The following CACNA2D1 variants were observed in gnomAD, a reference collection of about 807,000 sequenced individuals.
CACNA2D1 encodes calcium voltage-gated channel auxiliary subunit alpha2delta 1, also known as voltage-dependent calcium channel subunit alpha-2/delta-1.
CACNA2D1 carries 53 observed loss-of-function variants against 171.5 expected under a neutral mutation model. The ratio of observed to expected loss-of-function variants is 0.31; its 90% CI spans 0.25 to 0.39. CACNA2D1 has a LOEUF of 0.39. Among genes scored for constraint, CACNA2D1 ranks in the 10% least tolerant of loss-of-function variants. The pLI is 1.00. For missense variants in CACNA2D1, 903 were observed against 1,299.8 expected, an observed-to-expected ratio of 0.69 and a Z score of 4.69; for synonymous variants, 442 against 443.1, an observed-to-expected ratio of 1.00 and a Z score of 0.03.
chr7:82,317,520 G>A (rs1162403149), intron 3 of CACNA2D1, among the ~76,000 whole-genome samples: 1 of 152,136 alleles, frequency 6.6e-6, no homozygotes, highest in African/African-American at 2.4e-5. Context: ...AATACTTAAG[G>A]AGGAGCAGCT....
intron 4 of CACNA2D1, among the ~76,000 whole-genome samples, chr7:82,139,352 T>G (rs116571390): frequency 0.024 from 3,665 of 152,298 alleles, 136 homozygotes; most frequent in African/African-American, 0.083. Context: ...TGATATAAAC[T>G]AAGTATTTTG....
intron 3 of CACNA2D1, among the ~76,000 whole-genome samples, chr7:82,290,467 T>C (rs1341146919): frequency 6.6e-6 from 1 of 151,944 alleles, no homozygotes; most frequent in African/African-American, 2.4e-5. Context: ...GAAAGCAATA[T>C]AAATTCATTT....
At chr7:81,951,916 T>C (rs1792563217) in intron 38 of CACNA2D1, among the ~76,000 whole-genome samples, 1 of 151,518 alleles carries the variant, frequency 6.6e-6, no homozygotes, top group African/African-American at 2.4e-5. Context: ...ATCACCATAC[T>C]GTTTTCCATA....
chr7:82,208,643 T>A (rs1022638939), intron 3 of CACNA2D1, among the ~76,000 whole-genome samples: 2 of 152,180 alleles, frequency 1.3e-5, no homozygotes, highest in Admixed American at 6.6e-5. Flanking sequence ...TTTAGAAATA[T>A]CTTTACTTTA....
At chr7:82,138,693 G>A (rs188278697) in intron 4 of CACNA2D1, among the ~76,000 whole-genome samples, 3 of 151,926 alleles carry the variant, frequency 2.0e-5, no homozygotes, top group African/African-American at 7.2e-5. Context: ...TGATCCGCCC[G>A]CCTCAGCCTC....
At chr7:82,270,802 C>T (rs1004534766) in intron 3 of CACNA2D1, among the ~76,000 whole-genome samples, 2 of 152,124 alleles carry the variant, frequency 1.3e-5, no homozygotes, top group Non-Finnish European at 2.9e-5. Flanking sequence ...TACCAAACTC[C>T]TATTAACCAC....
rs10241483 is a variant in CACNA2D1, at chr7:82,004,032, G to A, written c.1590+1391C>T. 6.0e-3 allele frequency among the ~76,000 whole-genome samples: 919 copies of A among 152,042 alleles called. 12 individuals carry two copies. The highest frequency in any genetic ancestry group is 0.02 in the African/African-American group (846 of 41,538). On this transcript the variant is annotated intron_variant, in intron 18 of 38. Transcript: ENST00000356860. ...AGTGCTGGGATTACAGGCATGAGCC[G>A]CCACGCCCAGCCCACATTACACTTT...
intron 19 of CACNA2D1, among the ~76,000 whole-genome samples, 154 bp downstream of exon 19, chr7:81,997,025 C>T (rs1798112529): frequency 6.6e-6 from 1 of 152,040 alleles, no homozygotes; most frequent in South Asian, 2.1e-4. Flanking sequence ...AACCTAGGAT[C>T]TAGAAAATTT....
intron 6 of CACNA2D1, among the ~76,000 whole-genome samples, chr7:82,100,425 G>T (rs898011939): frequency 5.3e-5 from 8 of 151,992 alleles, no homozygotes; most frequent in African/African-American, 1.9e-4. Context: ...GGTATTATTA[G>T]TGTTTTTAGA....
intron 4 of CACNA2D1, among the ~76,000 whole-genome samples, chr7:82,145,141 CTCAA>C (rs368855704): frequency 1.1e-4 from 16 of 150,394 alleles, no homozygotes; most frequent in South Asian, 2.1e-4. Context: ...TCTTCTTATC[CTCAA>C]TCAAATACTT....
At chr7:82,263,667 G>T (rs868392628) in intron 3 of CACNA2D1, among the ~76,000 whole-genome samples, 1 of 152,086 alleles carries the variant, frequency 6.6e-6, no homozygotes, top group Non-Finnish European at 1.5e-5. Flanking sequence ...GAAAATAAAG[G>T]TATAGATATA....
At chr7:82,415,032 C>T (rs1828026838) in intron 1 of CACNA2D1, among the ~76,000 whole-genome samples, 1 of 152,188 alleles carries the variant, frequency 6.6e-6, no homozygotes, top group South Asian at 2.1e-4. Flanking sequence ...TTAAACAAGT[C>T]TTTAAAAGCC....
intron 3 of CACNA2D1, among the ~76,000 whole-genome samples, chr7:82,303,067 C>T (rs1352069393): frequency 6.6e-6 from 1 of 152,074 alleles, no homozygotes; most frequent in Non-Finnish European, 1.5e-5. Context: ...GATCTCGGCT[C>T]ACTGCAAGCT....
At chr7:82,425,098 A>G (rs187500048) in intron 1 of CACNA2D1, among the ~76,000 whole-genome samples, 1 of 152,322 alleles carries the variant, frequency 6.6e-6, no homozygotes, top group Non-Finnish European at 1.5e-5. Context: ...GATTCTGCAG[A>G]TGGAATTCCG....
intron 7 of CACNA2D1, 69 bp from the exon 8 acceptor site, chr7:82,066,593 T>TA (rs550173043): frequency 5.0e-5 from 76 of 1,519,762 alleles, no homozygotes; most frequent in African/African-American, 2.5e-4. Flanking sequence ...AATGAGACTT[T>TA]AAAAATCACA....
chr7:82,408,261 G>T, intron 1 of CACNA2D1, among the ~76,000 whole-genome samples: 1 of 151,876 alleles, frequency 6.6e-6, no homozygotes, highest in East Asian at 1.9e-4. Flanking sequence ...GACCTCAAGT[G>T]GTCTGCCATC....
In CACNA2D1 at chr7:82,291,194, A is replaced by C. The variant is rs866333607; in HGVS notation, c.294+43941T>G. Among the ~76,000 whole-genome samples the C allele has an allele frequency of 2.3e-5, 3 of 130,658 alleles. No individual in the cohort carries two copies. The Admixed American group carries it at 2.4e-4, about 11-fold the overall frequency. 85.7% of individuals were successfully genotyped at this position (130,658 alleles called of 152,430 possible). On this transcript the variant is annotated intron_variant, in intron 3 of 38. Transcript: ENST00000356860. The stretch of plus-strand genomic sequence containing the variant: ...GAATTATAATTCTATATCGATATAG[A>C]ATTCTATATCTATAAAATTCTATAT...
chr7:82,343,518 T>G (rs7793160), intron 2 of CACNA2D1, among the ~76,000 whole-genome samples: 19,026 of 152,176 alleles, frequency 0.13, 1,871 homozygotes, highest in African/African-American at 0.27. Flanking sequence ...ACTAAAGAAT[T>G]TTTTGGTTTT....
At chr7:82,243,249 C>T (rs1015950461) in intron 3 of CACNA2D1, among the ~76,000 whole-genome samples, 1 of 152,134 alleles carries the variant, frequency 6.6e-6, no homozygotes, top group African/African-American at 2.4e-5. Context: ...ACTGCATGCT[C>T]CACTATCCCA....
Sources: gnomAD v4.1 joint callset for allele counts (sites outside exome capture counted in the v4.1 genomes callset) on GRCh38, gnomAD v4.1.1 for gene constraint, MANE v1.5 for transcripts, NCBI Gene and HGNC (gene_info 2026-07-23, HGNC 2026-07-21) for gene names.